Variants in PITPNC1 observed in about 807,000 individuals in gnomAD.
PITPNC1 encodes the protein phosphatidylinositol transfer protein cytoplasmic 1.
Under a neutral mutation model 44.7 loss-of-function variants are expected in PITPNC1, and 18 were observed. The observed-to-expected ratio is 0.40, with a 90% CI of 0.28 to 0.60. The LOEUF is 0.60. Among genes scored for constraint, PITPNC1 ranks in the 20% least tolerant of loss-of-function variants. The pLI is 0.39. For missense variants in PITPNC1, 290 were observed against 418.4 expected, an observed-to-expected ratio of 0.69 and a Z score of 2.68; for synonymous variants, 141 against 149.6, an observed-to-expected ratio of 0.94 and a Z score of 0.42.
intron 6 of PITPNC1, among the ~76,000 whole-genome samples, chr17:67,649,841 T>C (rs1304252377): frequency 2.0e-5 from 3 of 152,142 alleles, no homozygotes; most frequent in African/African-American, 7.2e-5. Context: ...GATTTACCAG[T>C]TTATTATCAA....
intron 2 of PITPNC1, among the ~76,000 whole-genome samples, chr17:67,534,186 C>T (rs2040498606): frequency 6.6e-6 from 1 of 152,132 alleles, no homozygotes; most frequent in African/African-American, 2.4e-5. Flanking sequence ...TGAGCCACCA[C>T]ACCCGGCCTT....
intron 4 of PITPNC1, among the ~76,000 whole-genome samples, chr17:67,570,054 A>C (rs2041032438): frequency 6.6e-6 from 1 of 152,140 alleles, no homozygotes; most frequent in Non-Finnish European, 1.5e-5. Context: ...TCTGCCTGTA[A>C]GCAGAGTCAT....
At chr17:67,469,142 C>T (rs1170699210) in intron 1 of PITPNC1, among the ~76,000 whole-genome samples, 3 of 152,128 alleles carry the variant, frequency 2.0e-5, no homozygotes, top group African/African-American at 4.8e-5. Flanking sequence ...TGTAATAAGA[C>T]CATTGTTTAC....
intron 1 of PITPNC1, among the ~76,000 whole-genome samples, chr17:67,503,353 G>T (rs904408072): frequency 6.6e-6 from 1 of 152,104 alleles, no homozygotes; most frequent in Admixed American, 6.6e-5. Flanking sequence ...TCTCATAAAT[G>T]AGATGACTAA....
intron 5 of PITPNC1, among the ~76,000 whole-genome samples, chr17:67,624,230 T>TTTTTTTTTTTTTTTTTTC (rs1567745244): frequency 6.8e-6 from 1 of 147,122 alleles, no homozygotes; most frequent in African/African-American, 2.5e-5. Flanking sequence ...TTTTTTTTTT[T>TTTTTTTTTTTTTTTTTTC]CCTCAGGGTT....
At chr17:67,632,825 C>A (rs2041988519) in intron 6 of PITPNC1, among the ~76,000 whole-genome samples, 1 of 152,144 alleles carries the variant, frequency 6.6e-6, no homozygotes, top group South Asian at 2.1e-4. Flanking sequence ...ACCTTGGCCT[C>A]CCAAAGCACT....
intron 4 of PITPNC1, among the ~76,000 whole-genome samples, chr17:67,565,291 A>G (rs1425735182): frequency 7.0e-6 from 1 of 143,530 alleles, no homozygotes; most frequent in Non-Finnish European, 1.5e-5. Flanking sequence ...TTTGATGTGT[A>G]TATTAGTTTT....
intron 1 of PITPNC1, among the ~76,000 whole-genome samples, chr17:67,505,767 G>T (rs754031778): frequency 3.3e-5 from 5 of 152,044 alleles, no homozygotes; most frequent in Admixed American, 6.6e-5. Context: ...GAGCCACCGC[G>T]CCCAGCCCAA....
chr17:67,485,220 G>C (rs1324607281), intron 1 of PITPNC1, among the ~76,000 whole-genome samples: 2 of 151,878 alleles, frequency 1.3e-5, no homozygotes, highest in Non-Finnish European at 2.9e-5. Flanking sequence ...GCCATGGGGA[G>C]CATTTACCAT....
chr17:67,405,659 G>A (rs528336428), intron 1 of PITPNC1, among the ~76,000 whole-genome samples: 3 of 150,416 alleles, frequency 2.0e-5, no homozygotes, highest in African/African-American at 7.4e-5. Flanking sequence ...AGGCTGGAGT[G>A]TAGTGTCGTG....
chr17:67,565,224 T>C (rs916310640), intron 4 of PITPNC1, among the ~76,000 whole-genome samples: 5 of 152,164 alleles, frequency 3.3e-5, no homozygotes, highest in African/African-American at 7.2e-5. Context: ...TCTGTGTTTT[T>C]CAGTGTGTAT....
chr17:67,482,227 T>C (rs889544443), intron 1 of PITPNC1, among the ~76,000 whole-genome samples: 1 of 152,222 alleles, frequency 6.6e-6, no homozygotes, highest in Non-Finnish European at 1.5e-5. Context: ...GAAACTTGAC[T>C]TGATAATGTA....
intron 1 of PITPNC1, among the ~76,000 whole-genome samples, chr17:67,392,020 C>T (rs1298252531): frequency 6.6e-6 from 1 of 152,030 alleles, no homozygotes; most frequent in Non-Finnish European, 1.5e-5. Context: ...AAAAGAGAAC[C>T]ACCCCTACAC....
At chr17:67,397,404 C>T (rs775372143) in intron 1 of PITPNC1, among the ~76,000 whole-genome samples, 4 of 152,166 alleles carry the variant, frequency 2.6e-5, no homozygotes, top group Non-Finnish European at 5.9e-5. Flanking sequence ...AGAATGGCCA[C>T]CTCAGTGCTG....
chr17:67,509,934 C>T (rs1226642268), intron 1 of PITPNC1, among the ~76,000 whole-genome samples: 3 of 152,134 alleles, frequency 2.0e-5, no homozygotes, highest in Non-Finnish European at 2.9e-5. Context: ...TGAAAAGAAA[C>T]GTCTAGAACA....
intron 1 of PITPNC1, among the ~76,000 whole-genome samples, chr17:67,438,794 A>G (rs2038972126): frequency 6.6e-6 from 1 of 152,244 alleles, no homozygotes; most frequent in Non-Finnish European, 1.5e-5. Flanking sequence ...AACAAAAAGC[A>G]GTACTGCTGC....
chr17:67,453,021 C>T (rs2039205507), intron 1 of PITPNC1, among the ~76,000 whole-genome samples: 1 of 152,136 alleles, frequency 6.6e-6, no homozygotes, highest in African/African-American at 2.4e-5. Flanking sequence ...AAACTGCTTT[C>T]CATTATAGAA....
At chr17:67,488,025 C>T (rs890011349) in intron 1 of PITPNC1, among the ~76,000 whole-genome samples, 1 of 152,134 alleles carries the variant, frequency 6.6e-6, no homozygotes, top group Non-Finnish European at 1.5e-5. Context: ...TTTGGATTAC[C>T]GAGCAGCTCA....
rs1568059143 is a variant in PITPNC1, at chr17:67,598,943, C to A, written c.366+20686C>A. 8.3e-5 allele frequency among the ~76,000 whole-genome samples: 12 copies of A among 144,394 alleles called. No homozygotes were observed. In the South Asian group the frequency reaches 2.7e-3, roughly 32 times the overall value. 94.7% of individuals were successfully genotyped at this position (144,394 alleles called of 152,430 possible). ...CTATGATCCAGGAAGTGGGTCCTCA[C>A]CTGATGCCAAATCTGCCTCGATCTT... On this transcript the variant is annotated intron_variant, in intron 5 of 8. Transcript: ENST00000581322.
Sources: allele counts gnomAD v4.1 joint callset (sites outside exome capture counted in the v4.1 genomes callset), GRCh38; gene constraint gnomAD v4.1.1; transcripts MANE v1.5; gene names NCBI Gene and HGNC (gene_info 2026-07-23, HGNC 2026-07-21).